Variants in PCDHGB5 observed in about 807,000 individuals in gnomAD.
The protein encoded by PCDHGB5 is protocadherin gamma-B5.
PCDHGB5 carries 48 observed loss-of-function variants against 62.9 expected under a neutral mutation model. That is an observed-to-expected ratio of 0.76 (90% confidence interval 0.61 to 0.97). PCDHGB5 has a LOEUF of 0.97. PCDHGB5 is among the 50% of genes least tolerant of loss of function. The pLI is 0.00. For missense variants in PCDHGB5, 1,118 were observed against 1,198.6 expected, an observed-to-expected ratio of 0.93 and a Z score of 0.99; for synonymous variants, 474 against 511.2, an observed-to-expected ratio of 0.93 and a Z score of 0.98.
rs570982273 is a variant in PCDHGB5, at chr5:141,476,764, G to T, written c.2398-18043G>T. On this transcript the variant is annotated intron_variant, in intron 1 of 3. Coordinates refer to ENST00000617380, the MANE Select transcript of PCDHGB5 (RefSeq NM_018925.3). This position sits in a 1 kb window ranked among gnomAD's most constrained non-coding sequence, Gnocchi z 7.6. ...CTAGTCTCCAGTTAGTGCTGACGGC[G>T]TTGGACGGAGGGACCCCAGCTCTCT... 1.2e-5 allele frequency: 19 copies of T among 1,613,794 alleles called. No individual in the cohort carries two copies. In the East Asian group the frequency reaches 3.8e-4, roughly 32 times the overall value.
chr5:141,409,034 A>C, intron 1 of PCDHGB5: 1 of 1,613,992 alleles, frequency 6.2e-7, no homozygotes, highest in Non-Finnish European at 8.5e-7. Context: ...TGCTGAGATA[A>C]ACTACTACTT....
At chr5:141,402,433 A>C (rs1331958085) in intron 1 of PCDHGB5, among the ~76,000 whole-genome samples, 1 of 152,146 alleles carries the variant, frequency 6.6e-6, no homozygotes, top group Non-Finnish European at 1.5e-5. Context: ...GAAGCATCAT[A>C]AAAAGGAAAT....
intron 1 of PCDHGB5, chr5:141,414,361 T>G: frequency 6.2e-7 from 1 of 1,613,876 alleles, no homozygotes; most frequent in Non-Finnish European, 8.5e-7. Context: ...GTATCTACCA[T>G]TTAAATTAGA....
intron 1 of PCDHGB5, chr5:141,416,520 G>A (rs1209482346): frequency 6.6e-6 from 1 of 152,136 alleles, no homozygotes; most frequent in African/African-American, 2.4e-5. Context: ...TATTTCAGTG[G>A]CTCTTTAATG....
At chr5:141,418,484 C>T (rs771278923) in intron 1 of PCDHGB5, 1 of 1,613,878 alleles carries the variant, frequency 6.2e-7, no homozygotes, top group East Asian at 2.2e-5. Flanking sequence ...GAGCGCTCAC[C>T]ACTTGGTACT....
chr5:141,423,440 C>T lies in PCDHGB5; in HGVS notation c.2397+22916C>T, dbSNP rs768389351. 27 of 1,613,852 alleles carry T rather than the reference C, an allele frequency of 1.7e-5. No individual in the cohort carries two copies. In the East Asian group the frequency reaches 4.5e-4, roughly 27 times the overall value. ...GAAGGCGGGTTGGCAGGTATGCCCACGTCACATTTTGTAGGCGTGGACGGG... is the reference window on the plus strand; with the variant it reads ...GAAGGCGGGTTGGCAGGTATGCCCATGTCACATTTTGTAGGCGTGGACGGG... On this transcript the variant is annotated intron_variant, in intron 1 of 3. Coordinates refer to ENST00000617380, the MANE Select transcript of PCDHGB5 (RefSeq NM_018925.3).
intron 1 of PCDHGB5, chr5:141,417,831 C>T: frequency 5.2e-6 from 8 of 1,526,966 alleles, no homozygotes; most frequent in Non-Finnish European, 7.1e-6. Flanking sequence ...ACTGGAAAAG[C>T]GGGGACCCAG....
rs575695102 is a variant in PCDHGB5 at position 141,421,063 on chromosome 5, G to C, written c.2397+20539G>C. 16 of 581,866 alleles carry C rather than the reference G, an allele frequency of 2.7e-5. No individual in the cohort carries two copies. The African/African-American group carries it at 2.9e-4, about 10-fold the overall frequency. 36.0% of individuals were successfully genotyped at this position (581,866 alleles called of 1,614,324 possible). A position where few individuals can be genotyped will look rare whatever the true frequency, so the allele number is the denominator to read the frequency against. ...CTCCCCCGCCTCTACCACACAAAGC[G>C]GAATGAGATGGATACTCACAGATCC... On this transcript the variant is annotated intron_variant, in intron 1 of 3. Coordinates refer to ENST00000617380, the MANE Select transcript of PCDHGB5 (RefSeq NM_018925.3).
rs765887978 is a variant in PCDHGB5 at position 141,486,476 on chromosome 5, C to T, written c.2398-8331C>T. The T allele has an allele frequency of 8.7e-6, 14 of 1,613,934 alleles. No homozygotes were observed. The highest frequency in any genetic ancestry group is 1.7e-5 in the Admixed American group (1 of 60,016). ...TGCTTCTGATGCTGGGAACCCTCCT[C>T]TCAGTACCCACAGAACTATTTTCCT... On this transcript the variant is annotated intron_variant, in intron 1 of 3. Transcript: ENST00000617380. This position sits in a 1 kb window ranked among gnomAD's most constrained non-coding sequence, Gnocchi z 5.0.
intron 3 of PCDHGB5, among the ~76,000 whole-genome samples, chr5:141,506,567 T>G (rs2099855029): frequency 6.6e-6 from 1 of 152,182 alleles, no homozygotes; most frequent in Non-Finnish European, 1.5e-5. Flanking sequence ...CCCCCTCGGT[T>G]TCACTTACTA....
Position 141,400,384 on chromosome 5 carries a change from G to A in PCDHGB5, c.2257G>A (p.Ala753Thr), listed in dbSNP as rs1335444355. The A allele has an allele frequency of 1.2e-6, 2 of 1,614,054 alleles. No homozygotes were observed. The highest frequency in any genetic ancestry group is 1.1e-5 in the South Asian group (1 of 91,086). The change falls in exon 1 of 4, where the codon GCA becomes ACA. Residue 753 changes from alanine to threonine, a missense_variant. Physicochemically the swap from Ala to Thr is moderately conservative, Grantham distance 58 (BLOSUM62 0). Transcript: ENST00000617380. ...GCCTTATTCCTACAACCTATGTGTT[G>A]CACATACAGGAAAGACGGAGTTTAA... ...TLPYSYNLCV[A>T]HTGKTEFNFL...
In PCDHGB5 at chr5:141,415,247, C is replaced by T. The variant is rs181239359; in HGVS notation, c.2397+14723C>T. The stretch of plus-strand genomic sequence containing the variant: ...GAGTCTCCAGCTAACTCTGAAACCT[C>T]AGACCTCACTCTGTACCTGGTGGTA... On this transcript the variant is annotated intron_variant, in intron 1 of 3. Transcript: ENST00000617380. 958 of 1,614,210 alleles carry T rather than the reference C, an allele frequency of 5.9e-4. 13 individuals are homozygous for T. The East Asian group carries it at 0.015, about 25-fold the overall frequency.
intron 1 of PCDHGB5, chr5:141,417,615 A>G (rs908930043): frequency 3.2e-6 from 2 of 629,140 alleles, no homozygotes; most frequent in Non-Finnish European, 5.1e-6. Flanking sequence ...CGGCCAGTGC[A>G]GAGCAAGCGC....
rs372676262 is a variant in PCDHGB5 at position 141,404,832 on chromosome 5, G to A, written c.2397+4308G>A. On this transcript the variant is annotated intron_variant, in intron 1 of 3. Coordinates refer to ENST00000617380, the MANE Select transcript of PCDHGB5 (RefSeq NM_018925.3). ...GTGGGGCTGCACACAGGTGAAGTGCGCACAGCTCGGGCCCTGCTAGATAGA... is the reference window on the plus strand; with the variant it reads ...GTGGGGCTGCACACAGGTGAAGTGCACACAGCTCGGGCCCTGCTAGATAGA... 34 of 1,613,864 alleles carry A rather than the reference G, an allele frequency of 2.1e-5. No individual in the cohort carries two copies. Among genetic ancestry groups the A allele is most frequent in the Middle Eastern group, 1.6e-4 (1 of 6,062 alleles).
intron 1 of PCDHGB5, among the ~76,000 whole-genome samples, chr5:141,457,975 C>T (rs2098934043): frequency 6.6e-6 from 1 of 152,202 alleles, no homozygotes; most frequent in South Asian, 2.1e-4. Context: ...AAGGGAAACA[C>T]ACCCTTTCAG....
In PCDHGB5 at chr5:141,476,504, G is replaced by A; in HGVS notation, c.2398-18303G>A. On this transcript the variant is annotated intron_variant, in intron 1 of 3. Coordinates refer to ENST00000617380, the MANE Select transcript of PCDHGB5 (RefSeq NM_018925.3). This position sits in a 1 kb window ranked among gnomAD's most constrained non-coding sequence, Gnocchi z 7.6. ...GGAAGTGGTGATCCAGGACATCAAC[G>A]ACAACAATCCTGCTTTCCCTACCCA... The A allele has an allele frequency of 6.2e-7, 1 of 1,614,098 alleles. No individual in the cohort carries two copies. The highest frequency in any genetic ancestry group is 2.2e-5 in the East Asian group (1 of 44,854).
At chr5:141,402,976 G>C in intron 1 of PCDHGB5, 5 of 1,608,120 alleles carry the variant, frequency 3.1e-6, no homozygotes, top group Non-Finnish European at 4.2e-6. Context: ...CCAAATGCCA[G>C]CTCCGCGGAA....
At chr5:141,407,980 C>T in intron 1 of PCDHGB5, 1 of 760,358 alleles carries the variant, frequency 1.3e-6, no homozygotes, top group Non-Finnish European at 2.0e-6. Context: ...CGCCGGGGAT[C>T]CGTCAGCCTC....
intron 2 of PCDHGB5, 36 bp from the exon 3 acceptor site, chr5:141,505,357 T>A (rs1026098450): frequency 6.2e-7 from 1 of 1,613,762 alleles, no homozygotes; most frequent in African/African-American, 1.3e-5. Context: ...TGTGCCGGCC[T>A]GGGAGTCTGT....
Sources: allele counts gnomAD v4.1 joint callset (sites outside exome capture counted in the v4.1 genomes callset), GRCh38; gene constraint gnomAD v4.1.1; non-coding constraint Gnocchi (gnomAD v3.1); transcripts MANE v1.5; gene names NCBI Gene and HGNC (gene_info 2026-07-23, HGNC 2026-07-21).